The following RTN4RL1 variants were observed in gnomAD, a reference collection of about 807,000 sequenced individuals.
RTN4RL1 encodes the protein reticulon 4 receptor like 1.
A neutral mutation model predicts 25.6 loss-of-function variants in RTN4RL1; 7 were observed. That is an observed-to-expected ratio of 0.27 (90% CI 0.16 to 0.51). RTN4RL1 has a LOEUF of 0.51. RTN4RL1 is among the 20% of genes least tolerant of loss of function. The pLI is 0.97. For missense variants in RTN4RL1, 500 were observed against 615.6 expected, an observed-to-expected ratio of 0.81 and a Z score of 1.99; for synonymous variants, 297 against 288.2, an observed-to-expected ratio of 1.03 and a Z score of -0.31.
chr17:2,007,199 T>C (rs66631608), intron 1 of RTN4RL1, among the ~76,000 whole-genome samples: 53,271 of 151,590 alleles, frequency 0.35, 9,711 homozygotes, highest in East Asian at 0.55. Flanking sequence ...GGGTACGCCT[T>C]TCCTCATACT....
chr17:1,991,460 A>AC (rs1396503000), intron 1 of RTN4RL1, among the ~76,000 whole-genome samples: 1 of 146,006 alleles, frequency 6.8e-6, no homozygotes, highest in African/African-American at 2.6e-5. Flanking sequence ...AAAAAAAAAA[A>AC]AAACAAAAAA....
intron 1 of RTN4RL1, among the ~76,000 whole-genome samples, chr17:1,967,293 C>A (rs2151311946): frequency 6.6e-6 from 1 of 152,342 alleles, no homozygotes; most frequent in African/African-American, 2.4e-5. Context: ...GCCAACACAG[C>A]TCCACCTGCA....
chr17:1,962,183 G>A (rs4589593), intron 1 of RTN4RL1, among the ~76,000 whole-genome samples: 13,465 of 151,010 alleles, frequency 0.089, 802 homozygotes, highest in African/African-American at 0.14. Context: ...AGGAGGCAGA[G>A]GTGGGAGGAT....
At chr17:2,010,916 A>C (rs1018433077) in intron 1 of RTN4RL1, among the ~76,000 whole-genome samples, 1 of 152,102 alleles carries the variant, frequency 6.6e-6, no homozygotes, top group Non-Finnish European at 1.5e-5. Context: ...CTTCACCCTC[A>C]GTGCCAAACC....
At chr17:2,014,159 A>G (rs1397350851) in intron 1 of RTN4RL1, among the ~76,000 whole-genome samples, 1 of 152,136 alleles carries the variant, frequency 6.6e-6, no homozygotes, top group Non-Finnish European at 1.5e-5. Flanking sequence ...CCCTTGGCCA[A>G]CCCAGCTGGA....
rs189150808 is a variant in RTN4RL1 at position 1,993,941 on chromosome 17, G to A, written c.13+30912C>T. ...GATTCACCACTGCCAAGGCTATTAA[G>A]AGGAAAATGCTGTGAAATCTGAAGC... On this transcript the variant is annotated intron_variant, in intron 1 of 1. Transcript: ENST00000331238. 2.4e-3 allele frequency among the ~76,000 whole-genome samples: 370 copies of A among 152,228 alleles called. 4 individuals carry two copies. Among genetic ancestry groups the A allele is most frequent in the African/African-American group, 8.7e-3 (361 of 41,542 alleles).
chr17:1,958,550 T>C (rs1915835630), intron 1 of RTN4RL1, among the ~76,000 whole-genome samples: 1 of 152,230 alleles, frequency 6.6e-6, no homozygotes, highest in Admixed American at 6.5e-5. Flanking sequence ...TCACAAAACT[T>C]GTCTTAAGTG....
chr17:1,954,777 G>A (rs1915757217), intron 1 of RTN4RL1, among the ~76,000 whole-genome samples: 2 of 152,224 alleles, frequency 1.3e-5, no homozygotes, highest in Non-Finnish European at 2.9e-5. Context: ...CCTGCTGTCT[G>A]TCAAGTCAAT....
At chr17:1,941,091 A>G (rs888462842) in intron 1 of RTN4RL1, among the ~76,000 whole-genome samples, 2 of 152,192 alleles carry the variant, frequency 1.3e-5, no homozygotes, top group African/African-American at 4.8e-5. Flanking sequence ...GAGCCTCAGG[A>G]CTACCCGGTG....
chr17:1,982,129 A>G (rs906693930), intron 1 of RTN4RL1, among the ~76,000 whole-genome samples: 3 of 151,512 alleles, frequency 2.0e-5, no homozygotes, highest in Admixed American at 1.3e-4. Context: ...GTGAAAACCC[A>G]TCTCTGCTAA....
intron 1 of RTN4RL1, among the ~76,000 whole-genome samples, chr17:1,967,029 C>G (rs1032964739): frequency 6.6e-6 from 1 of 152,164 alleles, no homozygotes; most frequent in Non-Finnish European, 1.5e-5. Flanking sequence ...CCCGAGGTCT[C>G]AATTCAAATG....
rs2066941774 is a variant in RTN4RL1 at position 1,998,761 on chromosome 17, C to T, written c.13+26092G>A. On this transcript the variant is annotated intron_variant, in intron 1 of 1. Transcript: ENST00000331238. The surrounding 1 kb of genome is among the most constrained non-coding windows in gnomAD (Gnocchi z 4.9). ...ACAGACGGGGACAGGGGCGGCCTCG[C>T]GCGCACGGGGACCCCGGGGTGGGGG... Among the ~76,000 whole-genome samples, 1 of 147,376 alleles carries T rather than the reference C, an allele frequency of 6.8e-6. No homozygotes were observed. Among genetic ancestry groups the T allele is most frequent in the South Asian group, 2.2e-4 (1 of 4,588 alleles).
At position 1,959,559 on chromosome 17, in the gene RTN4RL1, CTTTGT is replaced by C. The variant is rs530746636; in HGVS notation, c.14-21756_14-21752del. Among the ~76,000 whole-genome samples, 1,259 of 152,124 alleles carry C rather than the reference CTTTGT, an allele frequency of 8.3e-3. 1 individual carries two copies. The highest frequency in any genetic ancestry group is 0.013 in the Non-Finnish European group (862 of 67,994). Reference sequence around the variant, plus strand: ...CAGGTGAGCTTGTCCAGGCCCAAGTCTTTGTTTTGTTTTGTTTTGTTTTGAGGCAG... The same window carrying C: ...CAGGTGAGCTTGTCCAGGCCCAAGTCTTTGTTTTGTTTTGTTTTGAGGCAG... On this transcript the variant is annotated intron_variant, in intron 1 of 1. Coordinates refer to ENST00000331238, the MANE Select transcript of RTN4RL1 (RefSeq NM_178568.4).
intron 1 of RTN4RL1, among the ~76,000 whole-genome samples, chr17:1,966,965 C>G (rs2066794113): frequency 6.6e-6 from 1 of 152,172 alleles, no homozygotes; most frequent in Admixed American, 6.5e-5. Flanking sequence ...TCACACATCC[C>G]TCCCAGAATT....
At chr17:1,957,546 A>G (rs1249236939) in intron 1 of RTN4RL1, among the ~76,000 whole-genome samples, 1 of 152,182 alleles carries the variant, frequency 6.6e-6, no homozygotes, top group African/African-American at 2.4e-5. Flanking sequence ...AGCTCAACAA[A>G]GTGAGGTGGC....
chr17:1,986,222 T>C (rs1188475186), intron 1 of RTN4RL1, among the ~76,000 whole-genome samples: 1 of 152,142 alleles, frequency 6.6e-6, no homozygotes, highest in Non-Finnish European at 1.5e-5. Context: ...CGGCACCCTG[T>C]GAAGGACTCG....
intron 1 of RTN4RL1, among the ~76,000 whole-genome samples, chr17:1,986,633 G>A (rs1047461152): frequency 6.6e-6 from 1 of 152,018 alleles, no homozygotes; most frequent in Non-Finnish European, 1.5e-5. Flanking sequence ...AGCTGGAAGA[G>A]CCTTCGTGGG....
At position 1,985,636 on chromosome 17, in the gene RTN4RL1, T is replaced by C. The variant is rs112188899; in HGVS notation, c.13+39217A>G. On this transcript the variant is annotated intron_variant, in intron 1 of 1. Coordinates refer to ENST00000331238, the MANE Select transcript of RTN4RL1 (RefSeq NM_178568.4). ...ATATTTTCTTCTTGGAATTTACAAG[T>C]AGTTCCATCTGAGAAATAAACAACC... Among the ~76,000 whole-genome samples the C allele has an allele frequency of 3.0e-3, 464 of 152,300 alleles. 5 individuals carry two copies. The highest frequency in any genetic ancestry group is 0.01 in the Middle Eastern group (3 of 294).
At position 1,968,390 on chromosome 17, in the gene RTN4RL1, C is replaced by T. The variant is rs372550494; in HGVS notation, c.14-30582G>A. ...ACCAAGTCCCATAGCTCGGGCCGGC[C>T]GTCCTCTCTCCTGACAGATCAGCTG... On this transcript the variant is annotated intron_variant, in intron 1 of 1. Coordinates refer to ENST00000331238, the MANE Select transcript of RTN4RL1 (RefSeq NM_178568.4). 1.9e-3 allele frequency among the ~76,000 whole-genome samples: 286 copies of T among 152,278 alleles called. 3 individuals are homozygous for T. Among genetic ancestry groups the T allele is most frequent in the African/African-American group, 6.7e-3 (277 of 41,546 alleles).
Sources: gnomAD v4.1 joint callset for allele counts (sites outside exome capture counted in the v4.1 genomes callset) on GRCh38, gnomAD v4.1.1 for gene constraint, Gnocchi (gnomAD v3.1) non-coding constraint, MANE v1.5 for transcripts, NCBI Gene and HGNC (gene_info 2026-07-23, HGNC 2026-07-21) for gene names.